NRG2: variants seen among roughly 807,000 people sequenced by gnomAD.
NRG2 encodes the protein neuregulin 2, also known as pro-neuregulin-2, membrane-bound isoform.
Under a neutral mutation model 73.9 loss-of-function variants are expected in NRG2, and 27 were observed. That is an observed-to-expected ratio of 0.37 (90% CI 0.27 to 0.50). The LOEUF is 0.50. NRG2 is among the 20% of genes least tolerant of loss of function. The pLI, the probability that NRG2 is intolerant of heterozygous loss-of-function variation, is 0.96. For missense variants in NRG2, 1,126 were observed against 1,210.1 expected (o/e 0.93, Z 1.03); for synonymous variants, 532 against 541.0 (o/e 0.98, Z 0.23).
chr5:140,031,852 C>A (rs1332045817), intron 1 of NRG2, among the ~76,000 whole-genome samples: 1 of 152,052 alleles, frequency 6.6e-6, no homozygotes, highest in Non-Finnish European at 1.5e-5. Flanking sequence ...TCTAACAGTC[C>A]TTGGGAACTT....
At chr5:139,969,329 C>T (rs1279609734) in intron 1 of NRG2, among the ~76,000 whole-genome samples, 6 of 152,180 alleles carry the variant, frequency 3.9e-5, no homozygotes, top group African/African-American at 2.4e-5. Flanking sequence ...GGGCTGTTAT[C>T]TGGAAGAAAG....
chr5:139,944,439 C>T (rs537419199), intron 1 of NRG2, among the ~76,000 whole-genome samples: 2 of 152,274 alleles, frequency 1.3e-5, no homozygotes, highest in South Asian at 2.1e-4. Flanking sequence ...CTAGTATCCT[C>T]TGTTCTACTT....
At chr5:139,886,504 G>A (rs990409284) in intron 2 of NRG2, among the ~76,000 whole-genome samples, 2 of 152,226 alleles carry the variant, frequency 1.3e-5, no homozygotes, top group African/African-American at 2.4e-5. Context: ...GGGAGGGAGG[G>A]TAGAAAAGGT....
intron 1 of NRG2, among the ~76,000 whole-genome samples, chr5:139,953,440 C>T (rs537427909): frequency 1.2e-4 from 18 of 152,298 alleles, no homozygotes; most frequent in African/African-American, 4.1e-4. Flanking sequence ...TATCTATCTA[C>T]GCCTCTTGTC....
At chr5:139,866,481 G>A (rs1223337669) in intron 4 of NRG2, among the ~76,000 whole-genome samples, 1 of 152,170 alleles carries the variant, frequency 6.6e-6, no homozygotes, top group African/African-American at 2.4e-5. Flanking sequence ...GAGAGGAGCT[G>A]GAATTATCAG....
Position 140,042,555 on chromosome 5 carries a change from C to A in NRG2, c.515G>T (p.Gly172Val). 6.2e-7 allele frequency: 1 copy of A among 1,611,942 alleles called. No homozygotes were observed. The highest frequency in any genetic ancestry group is 8.5e-7 in the Non-Finnish European group (1 of 1,178,892). ...GATCACCTGCTCGCGCTGCAGCCCC[C>A]CGCTCCGGAGCGGCCACTTGTCCAG... ...KVLDKWPLRS[G>V]GLQREQVISV... The change falls in exon 1 of 10, where the codon GGG becomes GTG. Residue 172 changes from glycine (G) to valine (V), a missense_variant. Coordinates refer to ENST00000361474, the MANE Select transcript of NRG2 (RefSeq NM_004883.3).
At chr5:139,857,898 T>C (rs1761906678) in intron 5 of NRG2, among the ~76,000 whole-genome samples, 1 of 152,160 alleles carries the variant, frequency 6.6e-6, no homozygotes, top group Admixed American at 6.5e-5. Flanking sequence ...GGGTCTGATC[T>C]AGCCTTACCA....
chr5:139,908,671 T>C (rs1210225525), intron 1 of NRG2, among the ~76,000 whole-genome samples: 3 of 152,208 alleles, frequency 2.0e-5, no homozygotes, highest in Non-Finnish European at 4.4e-5. Context: ...CACAGCTCTA[T>C]GGTGTTGCTC....
intron 1 of NRG2, among the ~76,000 whole-genome samples, chr5:140,036,848 G>T (rs1761544522): frequency 6.6e-6 from 1 of 152,184 alleles, no homozygotes; most frequent in Admixed American, 6.5e-5. Context: ...AAACTTCAAT[G>T]ATACTGATAT....
intron 3 of NRG2, among the ~76,000 whole-genome samples, chr5:139,879,401 C>A (rs544830196): frequency 6.6e-6 from 1 of 152,228 alleles, no homozygotes; most frequent in Non-Finnish European, 1.5e-5. Context: ...TTGGGATGGT[C>A]AAGGAGGAAG....
intron 5 of NRG2, among the ~76,000 whole-genome samples, chr5:139,861,517 C>T (rs2127035406): frequency 6.6e-6 from 1 of 152,336 alleles, no homozygotes; most frequent in East Asian, 1.9e-4. Flanking sequence ...CCCCCCAGTT[C>T]CATGCAGAGA....
At chr5:139,945,603 C>A (rs1409622697) in intron 1 of NRG2, among the ~76,000 whole-genome samples, 1 of 151,880 alleles carries the variant, frequency 6.6e-6, no homozygotes, top group Non-Finnish European at 1.5e-5. Flanking sequence ...TATTTGGGGT[C>A]TTTTGTGGTT....
At chr5:139,990,355 G>A (rs556912474) in intron 1 of NRG2, among the ~76,000 whole-genome samples, 1 of 151,086 alleles carries the variant, frequency 6.6e-6, no homozygotes, top group East Asian at 2.0e-4. Context: ...CAGGCTGGAG[G>A]GCAGTGGCAT....
At chr5:139,859,853 G>A (rs367813211) in intron 5 of NRG2, 115 of 1,606,840 alleles carry the variant, frequency 7.2e-5, no homozygotes, top group Admixed American at 1.0e-4. Flanking sequence ...GAGGGGCCAC[G>A]CAGATGGTGC....
rs190413635 is a variant in NRG2, at chr5:139,969,322, C to G, written c.700+73048G>C. On this transcript the variant is annotated intron_variant, in intron 1 of 9. Transcript: ENST00000361474. ...TAGCTATCTTGAAATATCTATAGGG[C>G]TGTTATCTGGAAGAAAGACTAAATT... Among the ~76,000 whole-genome samples the G allele has an allele frequency of 3.9e-5, 6 of 152,320 alleles. No individual in the cohort carries two copies. In the East Asian group the frequency reaches 1.2e-3, roughly 29 times the overall value.
intron 1 of NRG2, among the ~76,000 whole-genome samples, chr5:139,968,178 A>C (rs978353019): frequency 2.0e-5 from 3 of 152,126 alleles, no homozygotes; most frequent in East Asian, 1.9e-4. Flanking sequence ...TCCCGTCCCA[A>C]TGAAATACCG....
At chr5:139,937,339 A>G (rs1362246815) in intron 1 of NRG2, among the ~76,000 whole-genome samples, 1 of 152,240 alleles carries the variant, frequency 6.6e-6, no homozygotes, top group Non-Finnish European at 1.5e-5. Context: ...AAAGGCATCT[A>G]CAAAAGACCT....
chr5:139,999,103 T>C (rs1758244285), intron 1 of NRG2, among the ~76,000 whole-genome samples: 1 of 152,144 alleles, frequency 6.6e-6, no homozygotes, highest in Non-Finnish European at 1.5e-5. Context: ...GAGTTCCTCA[T>C]CCTTCAAGCA....
intron 1 of NRG2, among the ~76,000 whole-genome samples, chr5:139,988,993 C>G (rs528626273): frequency 1.2e-4 from 18 of 151,738 alleles, no homozygotes; most frequent in Non-Finnish European, 2.2e-4. Flanking sequence ...CGGTCTCACA[C>G]CATAAAAAAG....
Sources: allele counts gnomAD v4.1 joint callset (sites outside exome capture counted in the v4.1 genomes callset), GRCh38; gene constraint gnomAD v4.1.1; transcripts MANE v1.5; gene names NCBI Gene and HGNC (gene_info 2026-07-23, HGNC 2026-07-21).